Variants in MYCT1 observed in about 807,000 individuals in gnomAD.
The protein encoded by MYCT1 is myc target protein 1.
MYCT1 carries 12 observed loss-of-function variants against 15.0 expected under a neutral mutation model. That is an observed-to-expected ratio of 0.80 (90% CI 0.51 to 1.29). The LOEUF is 1.29. Ranked by LOEUF, MYCT1 falls within the 50% of genes most tolerant of loss-of-function variation. The pLI, the probability that MYCT1 is intolerant of heterozygous loss-of-function variation, is 0.00. For synonymous variants in MYCT1, 104 were observed against 102.7 expected (o/e 1.01, Z -0.07); for missense variants, 287 against 279.1 (o/e 1.03, Z -0.20).
At chr6:152,734,557 A>G in the MYCT1 span, among the ~76,000 whole-genome samples, 1 of 152,020 alleles carries the variant, frequency 6.6e-6, no homozygotes, top group African/African-American at 2.4e-5. Context: ...GCAGTGACTC[A>G]TTTGTCCTTT....
In MYCT1 at chr6:152,721,897, C is replaced by T; in HGVS notation, c.352C>T (p.His118Tyr). 1 of 1,614,078 alleles carries T rather than the reference C, an allele frequency of 6.2e-7. No homozygotes were observed. Among genetic ancestry groups the T allele is most frequent in the Non-Finnish European group, 8.5e-7 (1 of 1,180,006 alleles). The change falls in exon 2 of 2, where the codon CAC (histidine) becomes TAC (tyrosine). Residue 118 changes from histidine to tyrosine, a missense_variant. By Grantham distance (83) the His-to-Tyr change is moderately conservative (BLOSUM62 2). Coordinates refer to ENST00000367245, the MANE Select transcript of MYCT1 (RefSeq NM_025107.3). ...CAGGAGATCTAGGTCTTCTTACACC[C>T]ACGGCCTCAACAGAACTGGATTTTA... Reference protein sequence around the residue: ...SSRRSRSSYTHGLNRTGFYRH... With the variant: ...SSRRSRSSYTYGLNRTGFYRH...
chr6:152,722,217 C>A lies in MYCT1; in HGVS notation c.672C>A (p.Ala224=), dbSNP rs757849027. Residue 224 remains alanine, a synonymous_variant, in exon 2 of 2, where the codon GCC becomes GCA. Coordinates refer to ENST00000367245, the MANE Select transcript of MYCT1 (RefSeq NM_025107.3). ...RVGLSTPPPP[A]YESIIKAFPD... ...GCCTTTCAACACCGCCCCCACCTGC[C>A]TATGAGTCCATCATCAAGGCATTCC... is the stretch of plus-strand genomic sequence containing the variant. The A allele has an allele frequency of 4.3e-6, 7 of 1,613,990 alleles. No individual in the cohort carries two copies. The South Asian group carries it at 7.7e-5, about 18-fold the overall frequency.
At chr6:152,726,118 C>T (rs1035709392), downstream of MYCT1, among the ~76,000 whole-genome samples, 5 of 151,992 alleles carry the variant, frequency 3.3e-5, no homozygotes, top group Admixed American at 2.6e-4. Context: ...AAGTGATGGC[C>T]GGGCGCGGTG....
intron 1 of MYCT1, among the ~76,000 whole-genome samples, chr6:152,719,766 C>T (rs747546240): frequency 1.3e-5 from 2 of 152,104 alleles, no homozygotes; most frequent in Non-Finnish European, 2.9e-5. Context: ...TTTGTTATTT[C>T]TGCATTCTAG....
At chr6:152,699,754 C>T (rs538965684) in intron 1 of MYCT1, among the ~76,000 whole-genome samples, 1 of 151,858 alleles carries the variant, frequency 6.6e-6, no homozygotes, top group East Asian at 1.9e-4. Context: ...CTTAAAAAAA[C>T]AAATCATTAT....
chr6:152,721,521 C>T (rs934098620), intron 1 of MYCT1, among the ~76,000 whole-genome samples: 10 of 151,964 alleles, frequency 6.6e-5, no homozygotes, highest in African/African-American at 9.7e-5. Context: ...CCTGGAATGC[C>T]GCAGCTGAAA....
At chr6:152,698,125 A>C in intron 1 of MYCT1, 27 bp downstream of exon 1, 1 of 1,388,522 alleles carries the variant, frequency 7.2e-7, no homozygotes, top group Non-Finnish European at 9.7e-7. Context: ...TACTGTTTAA[A>C]ATTTAAAATT....
intron 1 of MYCT1, among the ~76,000 whole-genome samples, chr6:152,715,085 G>A (rs1224003364): frequency 6.6e-6 from 1 of 152,050 alleles, no homozygotes; most frequent in Non-Finnish European, 1.5e-5. Context: ...TACTTATAGT[G>A]CACAGCATTC....
chr6:152,721,966 A>C lies in MYCT1; in HGVS notation c.421A>C (p.Ser141Arg). The C allele has an allele frequency of 6.2e-7, 1 of 1,614,166 alleles. No individual in the cohort carries two copies. The highest frequency in any genetic ancestry group is 8.5e-7 in the Non-Finnish European group (1 of 1,180,020). ...CERRSNLSLA[S>R]LTFQRQASLE... Reference sequence around the variant, plus strand: ...ACGTCGAAGCAACCTCAGCCTGGCCAGTCTCACCTTCCAGCGACAAGCTTC... The same window carrying C: ...ACGTCGAAGCAACCTCAGCCTGGCCCGTCTCACCTTCCAGCGACAAGCTTC... The change falls in exon 2 of 2, where the codon AGT (serine) becomes CGT (arginine). Residue 141 changes from serine to arginine, a missense_variant. Ser to Arg is a moderately radical substitution (Grantham distance 110, BLOSUM62 -1). Transcript: ENST00000367245.
chr6:152,707,159 A>T (rs1389595411), intron 1 of MYCT1, among the ~76,000 whole-genome samples: 1 of 152,096 alleles, frequency 6.6e-6, no homozygotes, highest in Non-Finnish European at 1.5e-5. Flanking sequence ...CATCCTCACC[A>T]GCACTCATTA....
downstream of MYCT1, among the ~76,000 whole-genome samples, chr6:152,728,682 G>A (rs975691301): frequency 6.6e-6 from 1 of 152,224 alleles, no homozygotes; most frequent in Non-Finnish European, 1.5e-5. Flanking sequence ...GATCACTTGA[G>A]CTCAGGAGTT....
intron 1 of MYCT1, among the ~76,000 whole-genome samples, chr6:152,708,190 A>T (rs1486455549): frequency 6.6e-6 from 1 of 152,010 alleles, no homozygotes; most frequent in Non-Finnish European, 1.5e-5. Context: ...TGGTGCAGAC[A>T]TCTTGCATAC....
chr6:152,723,312 A>G lies in MYCT1; in HGVS notation c.*1059A>G, dbSNP rs1397214900. 6.6e-6 allele frequency: 1 copy of G among 152,228 alleles called. No individual in the cohort carries two copies. The highest frequency in any genetic ancestry group is 1.5e-5 in the Non-Finnish European group (1 of 68,034). 9.4% of individuals were successfully genotyped at this position (152,228 alleles called of 1,614,324 possible). A position where few individuals can be genotyped will look rare whatever the true frequency, so the allele number is the denominator to read the frequency against. On this transcript the variant is annotated 3_prime_UTR_variant, in exon 2 of 2. Coordinates refer to ENST00000367245, the MANE Select transcript of MYCT1 (RefSeq NM_025107.3). Reference sequence around the variant, plus strand: ...GTCGTTACATTGTTAGAAAAGCAACAGGAAAAAATCCAATTCATTTGACCT... The same window carrying G: ...GTCGTTACATTGTTAGAAAAGCAACGGGAAAAAATCCAATTCATTTGACCT...
chr6:152,744,861 G>A, the MYCT1 span, among the ~76,000 whole-genome samples: 112,263 of 152,052 alleles, frequency 0.74, 42,016 homozygotes, highest in African/African-American at 0.86. Context: ...AGCCTGTGGC[G>A]TCAGATCTCT....
intron 1 of MYCT1, among the ~76,000 whole-genome samples, chr6:152,721,085 TGGAACCTGG>T (rs1157530033): frequency 6.6e-6 from 1 of 152,144 alleles, no homozygotes; most frequent in Non-Finnish European, 1.5e-5. Context: ...AAGCATGAGC[TGGAACCTGG>T]GAAACAAGAA....
chr6:152,740,067 A>T, the MYCT1 span, among the ~76,000 whole-genome samples: 1 of 152,194 alleles, frequency 6.6e-6, no homozygotes, highest in East Asian at 1.9e-4. Flanking sequence ...ATTATTTGCG[A>T]TGGAGTTTCG....
chr6:152,745,678 A>G, the MYCT1 span, among the ~76,000 whole-genome samples: 2 of 152,122 alleles, frequency 1.3e-5, no homozygotes, highest in African/African-American at 2.4e-5. Flanking sequence ...GAGATGGTCT[A>G]GGGCTGGCTG....
chr6:152,728,969 AT>A (rs1488923737), downstream of MYCT1, among the ~76,000 whole-genome samples: 3 of 152,202 alleles, frequency 2.0e-5, no homozygotes, highest in Non-Finnish European at 4.4e-5. Context: ...ATACAGTCAA[AT>A]TTTGATGATT....
At chr6:152,717,965 G>T (rs916978778) in intron 1 of MYCT1, among the ~76,000 whole-genome samples, 8 of 151,880 alleles carry the variant, frequency 5.3e-5, no homozygotes, top group African/African-American at 1.5e-4. Flanking sequence ...TTATTATTAT[G>T]ATTCTCACGT....
Sources: allele counts gnomAD v4.1 joint callset (sites outside exome capture counted in the v4.1 genomes callset), GRCh38; gene constraint gnomAD v4.1.1; transcripts MANE v1.5; gene names NCBI Gene and HGNC (gene_info 2026-07-23, HGNC 2026-07-21).